DOCK10: variants seen among roughly 807,000 people sequenced by gnomAD.
DOCK10 encodes dedicator of cytokinesis protein 10.
DOCK10 carries 145 observed loss-of-function variants against 280.1 expected under a neutral mutation model. The ratio of observed to expected loss-of-function variants is 0.52; its 90% CI spans 0.45 to 0.59. DOCK10 has a LOEUF of 0.59. Ranked by LOEUF, DOCK10 falls within the 20% of genes least tolerant of loss-of-function variation. DOCK10 has a pLI of 0.00. For synonymous variants in DOCK10, 915 were observed against 942.2 expected, an observed-to-expected ratio of 0.97 and a Z score of 0.53; for missense variants, 2,368 against 2,651.7, an observed-to-expected ratio of 0.89 and a Z score of 2.35.
intron 33 of DOCK10, among the ~76,000 whole-genome samples, chr2:224,806,902 T>A (rs534267513): frequency 6.6e-6 from 1 of 152,146 alleles, no homozygotes; most frequent in African/African-American, 2.4e-5. Flanking sequence ...TGAGTCACCA[T>A]ACCTGGCCTA....
intron 19 of DOCK10, among the ~76,000 whole-genome samples, chr2:224,848,583 T>C (rs989706080): frequency 5.3e-5 from 8 of 152,196 alleles, no homozygotes; most frequent in Non-Finnish European, 1.0e-4. Flanking sequence ...AGTTTTCTCA[T>C]CCATCAAATA....
rs896797007 is a variant in DOCK10, at chr2:224,786,709, G to A, written c.5655+313C>T. Among the ~76,000 whole-genome samples, 6 of 152,082 alleles carry A rather than the reference G, an allele frequency of 3.9e-5. No homozygotes were observed. The highest frequency in any genetic ancestry group is 7.2e-5 in the African/African-American group (3 of 41,402). On this transcript the variant is annotated intron_variant, in intron 50 of 55. Coordinates refer to ENST00000258390, the MANE Select transcript of DOCK10 (RefSeq NM_014689.3). The surrounding 1 kb of genome is among the most constrained non-coding windows in gnomAD (Gnocchi z 4.7). ...ATTTAATTTCACTTTAATATATGGCGTAAACTTATAATTAGATATTTTAGG... is the reference window on the plus strand; with the variant it reads ...ATTTAATTTCACTTTAATATATGGCATAAACTTATAATTAGATATTTTAGG...
intron 1 of DOCK10, among the ~76,000 whole-genome samples, chr2:225,006,170 C>G (rs1689241513): frequency 6.6e-6 from 1 of 152,184 alleles, no homozygotes; most frequent in Non-Finnish European, 1.5e-5. Context: ...CCCACCTTTA[C>G]TTTATGGACT....
At chr2:224,930,428 G>A (rs1430894355) in intron 2 of DOCK10, among the ~76,000 whole-genome samples, 6 of 152,096 alleles carry the variant, frequency 3.9e-5, no homozygotes, top group African/African-American at 7.2e-5. Flanking sequence ...AGTGGAAGCC[G>A]TTTAAAATTT....
intron 1 of DOCK10, among the ~76,000 whole-genome samples, chr2:225,001,289 C>CTT (rs141808105): frequency 0.057 from 7,285 of 128,062 alleles, 724 homozygotes; most frequent in African/African-American, 0.18. Context: ...TACAACAGAC[C>CTT]TTTTTTTTTT....
chr2:224,955,326 T>C (rs1012647844), intron 1 of DOCK10, among the ~76,000 whole-genome samples: 4 of 152,232 alleles, frequency 2.6e-5, no homozygotes, highest in African/African-American at 9.6e-5. Flanking sequence ...TTTATTCTTG[T>C]GGCTGTCTTT....
At chr2:224,956,546 C>A (rs1004604889) in intron 1 of DOCK10, among the ~76,000 whole-genome samples, 3 of 148,762 alleles carry the variant, frequency 2.0e-5, no homozygotes, top group Non-Finnish European at 4.4e-5. Context: ...ATCACTTGAA[C>A]CTCGGAGGTG....
chr2:224,898,285 G>C, intron 3 of DOCK10, among the ~76,000 whole-genome samples: 1 of 152,182 alleles, frequency 6.6e-6, no homozygotes, highest in East Asian at 1.9e-4. Flanking sequence ...GGCTTTATTT[G>C]TTCAGGGAGG....
chr2:224,924,682 T>C (rs1372962917), intron 2 of DOCK10, among the ~76,000 whole-genome samples: 1 of 152,230 alleles, frequency 6.6e-6, no homozygotes, highest in Admixed American at 6.5e-5. Flanking sequence ...CCAAGTCTGG[T>C]GTGGACATAC....
intron 33 of DOCK10, among the ~76,000 whole-genome samples, chr2:224,806,518 A>G (rs1693406216): frequency 6.6e-6 from 1 of 152,198 alleles, no homozygotes; most frequent in South Asian, 2.1e-4. Context: ...TGATATATTC[A>G]TGGATCACAT....
chr2:224,830,692 A>G, intron 26 of DOCK10, 80 bp from the exon 27 acceptor site: 1 of 692,412 alleles, frequency 1.4e-6, no homozygotes, highest in Non-Finnish European at 2.3e-6. Context: ...AATATGTAAT[A>G]CTATAACATT....
chr2:224,886,886 A>C lies in DOCK10; in HGVS notation c.417-355T>G, dbSNP rs555326205. Among the ~76,000 whole-genome samples, 287 of 134,988 alleles carry C rather than the reference A, an allele frequency of 2.1e-3. 2 individuals carry two copies. Among genetic ancestry groups the C allele is most frequent in the African/African-American group, 7.0e-3 (230 of 32,752 alleles). 88.6% of individuals were successfully genotyped at this position (134,988 alleles called of 152,430 possible). Reference sequence around the variant, plus strand: ...TCTCATGCTGCATGCAGCACCCCCAACACCCCCCCAAGTAGTACCTGGGAT... The same window carrying C: ...TCTCATGCTGCATGCAGCACCCCCACCACCCCCCCAAGTAGTACCTGGGAT... On this transcript the variant is annotated intron_variant, in intron 4 of 55. Transcript: ENST00000258390.
In DOCK10 at chr2:224,786,883, C is replaced by A; in HGVS notation, c.5655+139G>T. On this transcript the variant is annotated intron_variant, in intron 50 of 55. Coordinates refer to ENST00000258390, the MANE Select transcript of DOCK10 (RefSeq NM_014689.3). The surrounding 1 kb of genome is among the most constrained non-coding windows in gnomAD (Gnocchi z 4.7). ...TGGATAAACATATAGACCATCACAT[C>A]CAGAGAAACACTCAAGTATAGTCAG... The A allele has an allele frequency of 3.0e-6, 2 of 672,190 alleles. No individual in the cohort carries two copies. The highest frequency in any genetic ancestry group is 3.5e-5 in the South Asian group (2 of 56,794). 41.6% of individuals were successfully genotyped at this position (672,190 alleles called of 1,614,324 possible).
intron 1 of DOCK10, among the ~76,000 whole-genome samples, chr2:224,939,940 C>T (rs185348787): frequency 2.6e-5 from 4 of 152,218 alleles, no homozygotes; most frequent in Admixed American, 2.0e-4. Flanking sequence ...GCCTATGTGG[C>T]ACTCATCCTA....
intron 1 of DOCK10, among the ~76,000 whole-genome samples, chr2:225,026,845 T>C (rs1486765469): frequency 1.3e-5 from 2 of 152,192 alleles, no homozygotes; most frequent in East Asian, 1.9e-4. Context: ...CTCAAATTGT[T>C]CCATGGATTG....
chr2:224,917,101 CT>C (rs58223345), intron 2 of DOCK10, among the ~76,000 whole-genome samples: 5 of 95,778 alleles, frequency 5.2e-5, no homozygotes, highest in East Asian at 3.3e-4. Context: ...CTATTGGAAT[CT>C]TTTTTTTTTT....
chr2:225,006,556 AC>A (rs142235016), intron 1 of DOCK10, among the ~76,000 whole-genome samples: 1,836 of 152,322 alleles, frequency 0.012, 28 homozygotes, highest in African/African-American at 0.042. Context: ...CAAAGAGCAC[AC>A]TTGCTGAGGT....
At chr2:224,982,574 C>T in intron 1 of DOCK10, 1 of 1,179,416 alleles carries the variant, frequency 8.5e-7, no homozygotes, top group Non-Finnish European at 1.1e-6. Flanking sequence ...TGAACACACT[C>T]AGGAATATTA....
chr2:224,993,202 G>GT (rs112976099), intron 1 of DOCK10, among the ~76,000 whole-genome samples: 5,058 of 136,120 alleles, frequency 0.037, 148 homozygotes, highest in African/African-American at 0.078. Flanking sequence ...TTCTTTGGAA[G>GT]TTTTTTTTTT....
Sources: gnomAD v4.1 joint callset for allele counts (sites outside exome capture counted in the v4.1 genomes callset) on GRCh38, gnomAD v4.1.1 for gene constraint, Gnocchi (gnomAD v3.1) non-coding constraint, MANE v1.5 for transcripts, NCBI Gene and HGNC (gene_info 2026-07-23, HGNC 2026-07-21) for gene names.